The following ZC3H11A variants were observed in gnomAD, a reference collection of about 807,000 sequenced individuals.
ZC3H11A encodes zinc finger CCCH domain-containing protein 11A.
In ZC3H11A, 22 loss-of-function variants were observed where a neutral mutation model predicts 90.8. The observed-to-expected ratio is 0.24, with a 90% CI of 0.17 to 0.35. The LOEUF (loss-of-function observed/expected upper bound fraction) is 0.35, where lower values mean the gene tolerates loss of function less well. Ranked by LOEUF, ZC3H11A falls within the 10% of genes least tolerant of loss-of-function variation. The pLI is 1.00. For synonymous variants in ZC3H11A, 294 were observed against 339.8 expected, an observed-to-expected ratio of 0.87 and a Z score of 1.48; for missense variants, 701 against 964.9, an observed-to-expected ratio of 0.73 and a Z score of 3.62.
chr1:203,802,511 A>G lies in ZC3H11A; in HGVS notation c.-651A>G, dbSNP rs1670829205. ...AAACACTATATTTTTACATACAAGT[A>G]TGCTTTTATTATACAGATAATAAAG... is the stretch of plus-strand genomic sequence containing the variant. On this transcript the variant is annotated 5_prime_UTR_variant, in exon 2 of 18. It removes an upstream start codon present in the reference 5' UTR. Transcript: ENST00000367210. 2 of 152,640 alleles carry G rather than the reference A, an allele frequency of 1.3e-5. No individual in the cohort carries two copies. The highest frequency in any genetic ancestry group is 2.1e-4 in the South Asian group (1 of 4,828). The allele number at this position is 152,640 out of a possible 1,614,324, so 9.5% of individuals were successfully genotyped here. A position where few individuals can be genotyped will look rare whatever the true frequency, so the allele number is the denominator to read the frequency against.
intron 1 of ZC3H11A, chr1:203,797,763 C>T (rs1435737047): frequency 1.3e-6 from 2 of 1,535,570 alleles, no homozygotes; most frequent in East Asian, 2.4e-5. Flanking sequence ...AAAATTGATT[C>T]TTGCCAAAAA....
At chr1:203,798,496 G>T (rs564728552) in intron 1 of ZC3H11A, 1 of 1,536,024 alleles carries the variant, frequency 6.5e-7, no homozygotes, top group African/African-American at 1.4e-5. Context: ...AACAAAGACA[G>T]TGGTGCTGTT....
intron 2 of ZC3H11A, among the ~76,000 whole-genome samples, chr1:203,812,782 A>G (rs977661953): frequency 6.6e-6 from 1 of 151,880 alleles, no homozygotes; most frequent in Non-Finnish European, 1.5e-5. Context: ...GGGTCTCACC[A>G]TGTTTGCCAA....
intron 12 of ZC3H11A, among the ~76,000 whole-genome samples, chr1:203,841,630 G>A (rs1363762668): frequency 1.3e-5 from 2 of 152,170 alleles, no homozygotes; most frequent in Non-Finnish European, 1.5e-5. Flanking sequence ...CGACAAAACC[G>A]CCTTTGTCAT....
intron 4 of ZC3H11A, among the ~76,000 whole-genome samples, chr1:203,827,373 T>G (rs1680867648): frequency 6.6e-6 from 1 of 151,426 alleles, no homozygotes; most frequent in African/African-American, 2.4e-5. Context: ...TTTCTCCCAA[T>G]TTTCCTTTAT....
In ZC3H11A at chr1:203,799,072, C is replaced by A. The variant is rs774801827; in HGVS notation, c.-1587-2503C>A. On this transcript the variant is annotated intron_variant, in intron 1 of 17. Transcript: ENST00000367210. ...TCTTTTCTCAATAATGGCAGGATCC[C>A]CGATTTTAGAAAGTGGGCAGTGCTT... 7 of 1,536,064 alleles carry A rather than the reference C, an allele frequency of 4.6e-6. No homozygotes were observed. The African/African-American group carries it at 9.6e-5, about 21-fold the overall frequency.
rs771973219 is a variant in ZC3H11A at position 203,829,887 on chromosome 1, A to G, written c.610A>G (p.Ile204Val). 1.9e-6 allele frequency: 3 copies of G among 1,613,750 alleles called. No individual in the cohort carries two copies. The highest frequency in any genetic ancestry group is 1.3e-5 in the African/African-American group (1 of 74,934). ...TTCTGTCCGGAAACCTGCAGTCAATATAAAGCAAGGTAAGAAGAGGCTAGA... is the reference window on the plus strand; with the variant it reads ...TTCTGTCCGGAAACCTGCAGTCAATGTAAAGCAAGGTAAGAAGAGGCTAGA... ...VTSVRKPAVN[I>V]KQGECLNFGI... Residue 204 changes from isoleucine (I) to valine (V), a missense_variant, in exon 7 of 18, where the codon ATA becomes GTA. Ile to Val is a conservative substitution (Grantham distance 29). Coordinates refer to ENST00000367210, the MANE Select transcript of ZC3H11A (RefSeq NM_001376342.1).
chr1:203,842,170 G>C (rs1686551678), intron 12 of ZC3H11A, among the ~76,000 whole-genome samples: 2 of 152,038 alleles, frequency 1.3e-5, no homozygotes, highest in African/African-American at 2.4e-5. Flanking sequence ...CGGCCAGGCA[G>C]AGACGCTCCT....
chr1:203,799,720 G>C (rs1165429975), intron 1 of ZC3H11A: 1 of 733,740 alleles, frequency 1.4e-6, no homozygotes, highest in Non-Finnish European at 2.4e-6. Context: ...TTTCAAGTCA[G>C]AGGTATTACT....
At chr1:203,838,687 A>G (rs754467853) in intron 11 of ZC3H11A, among the ~76,000 whole-genome samples, 37 of 152,226 alleles carry the variant, frequency 2.4e-4, no homozygotes, top group South Asian at 6.2e-4. Context: ...ACGGTAGGTC[A>G]TGCCTGTAAT....
In ZC3H11A at chr1:203,850,675, A is replaced by C; in HGVS notation, c.2100A>C (p.Ala700=). Residue 700 remains alanine, a synonymous_variant, in exon 16 of 18, where the codon GCA becomes GCC. Coordinates refer to ENST00000367210, the MANE Select transcript of ZC3H11A (RefSeq NM_001376342.1). The part of the protein sequence containing the change: ...SVLQEPPAKK[A]AVAVVPLVSE... ...TACAGGAACCCCCAGCCAAAAAGGC[A>C]GCTGTGGTAAGAAGTATATTCACTT... 1.2e-6 allele frequency: 2 copies of C among 1,613,752 alleles called. No homozygotes were observed. The highest frequency in any genetic ancestry group is 1.7e-6 in the Non-Finnish European group (2 of 1,179,750).
At chr1:203,833,881 C>T (rs200470273) in intron 10 of ZC3H11A, 28 bp downstream of exon 10, 2 of 1,590,714 alleles carry the variant, frequency 1.3e-6, no homozygotes, top group South Asian at 1.1e-5. Context: ...TATATCTTTT[C>T]TTTTCTACTT....
chr1:203,827,300 CA>C (rs1680833144), intron 4 of ZC3H11A, among the ~76,000 whole-genome samples: 1 of 151,610 alleles, frequency 6.6e-6, no homozygotes, highest in African/African-American at 2.4e-5. Context: ...TTTTCTAGGA[CA>C]TACATCCTAT....
intron 1 of ZC3H11A, chr1:203,798,315 A>G: frequency 6.5e-7 from 1 of 1,536,180 alleles, no homozygotes; most frequent in Non-Finnish European, 8.7e-7. Context: ...AACTAGAGCC[A>G]AGACATCTGC....
chr1:203,799,071 C>T (rs1321754851), intron 1 of ZC3H11A: 19 of 1,536,080 alleles, frequency 1.2e-5, no homozygotes, highest in Non-Finnish European at 1.5e-5. Context: ...TGGCAGGATC[C>T]CCGATTTTAG....
chr1:203,798,722 ATGT>A (rs745833264), intron 1 of ZC3H11A: 28 of 1,536,004 alleles, frequency 1.8e-5, no homozygotes, highest in Admixed American at 3.9e-5. Context: ...GAGAAACAAC[ATGT>A]TGTGGAAATC....
rs144499011 is a variant in ZC3H11A at position 203,845,171 on chromosome 1, T to C, written c.1043-2013T>C. Among the ~76,000 whole-genome samples the C allele has an allele frequency of 2.0e-5, 3 of 152,366 alleles. No individual in the cohort carries two copies. In the East Asian group the frequency reaches 5.8e-4, roughly 29 times the overall value. The stretch of plus-strand genomic sequence containing the variant: ...AAATTCAGACATCTGCTTTCTGTTT[T>C]AGAAATTCTTCAAGATGTATGCTCT... On this transcript the variant is annotated intron_variant, in intron 12 of 17. Transcript: ENST00000367210.
Position 203,849,994 on chromosome 1 carries a change from G to C in ZC3H11A, c.1907G>C (p.Cys636Ser), listed in dbSNP as rs139049200. Residue 636 changes from cysteine (C) to serine (S), a missense_variant, in exon 15 of 18, where the codon TGT (cysteine) becomes TCT (serine). Transcript: ENST00000367210. ...GGAGACTCATTATTGAATGTGAAAT[G>C]TGCAGCACAGACCTTGGAAAAAAGG... ...GIGDSLLNVK[C>S]AAQTLEKRGK... is the part of the protein sequence containing the mutation. 11 of 1,613,846 alleles carry C rather than the reference G, an allele frequency of 6.8e-6. No homozygotes were observed. The African/African-American group carries it at 8.0e-5, about 12-fold the overall frequency.
At chr1:203,849,415 A>G (rs1688739984) in intron 14 of ZC3H11A, among the ~76,000 whole-genome samples, 1 of 152,200 alleles carries the variant, frequency 6.6e-6, no homozygotes, top group Non-Finnish European at 1.5e-5. Flanking sequence ...TTAAAGTAAT[A>G]TATTTGTACA....
Sources: gnomAD v4.1 joint callset for allele counts (sites outside exome capture counted in the v4.1 genomes callset) on GRCh38, gnomAD v4.1.1 for gene constraint, MANE v1.5 for transcripts, NCBI Gene and HGNC (gene_info 2026-07-23, HGNC 2026-07-21) for gene names.